Variants in SLC2A14 observed in about 807,000 individuals in gnomAD.
The protein encoded by SLC2A14 is solute carrier family 2 member 14.
A neutral mutation model predicts 43.0 loss-of-function variants in SLC2A14; 13 were observed. The ratio of observed to expected loss-of-function variants is 0.30; its 90% CI spans 0.20 to 0.48. The LOEUF is 0.48. Ranked by LOEUF, SLC2A14 falls within the 20% of genes least tolerant of loss-of-function variation. SLC2A14 has a pLI of 0.99. For missense variants in SLC2A14, 428 were observed against 620.4 expected (o/e 0.69, Z 3.29); for synonymous variants, 190 against 233.8 (o/e 0.81, Z 1.71).
chr12:7,856,169 G>C (rs924953226), intron 2 of SLC2A14: 1 of 152,108 alleles, frequency 6.6e-6, no homozygotes, highest in Non-Finnish European at 1.5e-5. Flanking sequence ...GAATGTGCCT[G>C]CCCAGTCGTA....
rs1209436951 is a variant in SLC2A14 at position 7,883,565 on chromosome 12, CTCTTTT to C, written c.132+7425_132+7430del. 3.4e-4 allele frequency among the ~76,000 whole-genome samples: 49 copies of C among 145,534 alleles called. 1 individual carries two copies. The highest frequency in any genetic ancestry group is 1.0e-3 in the East Asian group (5 of 4,902). On this transcript the variant is annotated intron_variant, in intron 1 of 9. Coordinates refer to the SLC2A14 transcript ENST00000539924. ...ACAGGCATGAGCCACCACGCCCGGC[CTCTTTT>C]TCTTTTTCTTTTTCTTTTCTTTTTT...
At chr12:7,828,233 C>T (rs982577322) in intron 6 of SLC2A14, among the ~76,000 whole-genome samples, 12 of 152,034 alleles carry the variant, frequency 7.9e-5, no homozygotes, top group South Asian at 4.2e-4. Flanking sequence ...CGTGGTGTCG[C>T]GCGCACCTGT....
chr12:7,873,152 C>G, upstream of SLC2A14: 1 of 985,734 alleles, frequency 1.0e-6, no homozygotes. Flanking sequence ...CGTCTTCCTG[C>G]GACCGGGCGG....
intron 1 of SLC2A14, 47 bp downstream of exon 1, chr12:7,872,760 C>A (rs1945308507): frequency 1.0e-6 from 1 of 985,046 alleles, no homozygotes. Flanking sequence ...CAGCTCAGGT[C>A]CTCATTCCCG....
chr12:7,844,919 A>G (rs1039291076), intron 2 of SLC2A14, among the ~76,000 whole-genome samples: 5 of 152,124 alleles, frequency 3.3e-5, no homozygotes, highest in African/African-American at 1.2e-4. Context: ...CTTTTTATCC[A>G]TTATTTCAAT....
intron 1 of SLC2A14, among the ~76,000 whole-genome samples, chr12:7,879,250 C>G: frequency 6.7e-6 from 1 of 150,230 alleles, no homozygotes; most frequent in South Asian, 2.1e-4. Context: ...TAACGTCTGC[C>G]TCAGCTTGAG....
intron 10 of SLC2A14, among the ~76,000 whole-genome samples, chr12:7,816,939 G>T (rs4564403): frequency 0.5 from 75,809 of 151,772 alleles, 19,668 homozygotes; most frequent in African/African-American, 0.63. Flanking sequence ...ACTCTTGACT[G>T]CAAGTGATCC....
intron 1 of SLC2A14, among the ~76,000 whole-genome samples, chr12:7,879,179 G>C (rs189069103): frequency 2.0e-5 from 3 of 151,090 alleles, no homozygotes; most frequent in African/African-American, 7.3e-5. Flanking sequence ...ACCACATTCC[G>C]GGCCTTAGCT....
Position 7,835,238 on chromosome 12 carries a change from T to G in SLC2A14, c.19-2424A>C, listed in dbSNP as rs35067640. ...CCCGTCTCTACTAAAAATACAAAAA[T>G]TAGCCAGCCGTGATGGCGTGCGCCT... is the stretch of plus-strand genomic sequence containing the variant. On this transcript the variant is annotated intron_variant, in intron 2 of 10. Coordinates refer to ENST00000431042, the MANE Select transcript of SLC2A14 (RefSeq NM_001286234.2). 4.9e-3 allele frequency among the ~76,000 whole-genome samples: 750 copies of G among 152,218 alleles called. 3 individuals are homozygous for G. The highest frequency in any genetic ancestry group is 9.3e-3 in the Non-Finnish European group (632 of 68,012).
rs1863421533 is a variant in SLC2A14, at chr12:7,816,078, T to C, written c.1276-1544A>G. ...ACCACACCCAGCTAATTTCTTGAATTTTTATTTTTTATTTTTTTTATTTTT... is the reference window on the plus strand; with the variant it reads ...ACCACACCCAGCTAATTTCTTGAATCTTTATTTTTTATTTTTTTTATTTTT... On this transcript the variant is annotated intron_variant, in intron 10 of 10. Transcript: ENST00000431042. Among the ~76,000 whole-genome samples the C allele has an allele frequency of 5.4e-5, 6 of 110,242 alleles. 2 individuals are homozygous for C. The Admixed American group carries it at 6.1e-4, about 11-fold the overall frequency. 72.3% of individuals were successfully genotyped at this position (110,242 alleles called of 152,430 possible). A position where few individuals can be genotyped will look rare whatever the true frequency, so the allele number is the denominator to read the frequency against.
chr12:7,822,046 G>A (rs1215551320), intron 7 of SLC2A14, among the ~76,000 whole-genome samples: 1 of 151,564 alleles, frequency 6.6e-6, no homozygotes, highest in African/African-American at 2.4e-5. Context: ...GGATGTTCTT[G>A]ATCTCCTGAC....
rs761502383 is a variant in SLC2A14, at chr12:7,814,447, G to A, written c.1363C>T (p.Arg455Cys). The A allele has an allele frequency of 1.4e-5, 22 of 1,613,586 alleles. No homozygotes were observed. The highest frequency in any genetic ancestry group is 2.7e-5 in the African/African-American group (2 of 74,916). Residue 455 changes from arginine to cysteine, a missense_variant, in exon 11 of 11, where the codon CGT (arginine) becomes TGT (cysteine). By Grantham distance (180) the Arg-to-Cys change is radical. Transcript: ENST00000431042. ...GTGATATCCTCAAAAGTCCTGCCAC[G>A]GGTCTCAGGGACTTTGAAGAAGGTA... is the stretch of plus-strand genomic sequence containing the variant. The part of the protein sequence containing the change: ...AFTFFKVPET[R>C]GRTFEDITRA...
intron 10 of SLC2A14, among the ~76,000 whole-genome samples, chr12:7,816,088 T>A (rs1286016667): frequency 2.4e-5 from 1 of 42,132 alleles, no homozygotes; most frequent in Non-Finnish European, 4.4e-5. Context: ...TTTTATTTTT[T>A]ATTTTTTTTA....
rs1240781668 is a variant in SLC2A14 at position 7,869,927 on chromosome 12, G to C, written c.-47C>G. 4 of 1,524,722 alleles carry C rather than the reference G, an allele frequency of 2.6e-6. No individual in the cohort carries two copies. Among genetic ancestry groups the C allele is most frequent in the Non-Finnish European group, 3.5e-6 (4 of 1,138,946 alleles). 94.4% of individuals were successfully genotyped at this position (1,524,722 alleles called of 1,614,324 possible). Reference sequence around the variant, plus strand: ...GACTCCCTCTCCAATTTCTCTTCAAGGTACTGCTTCCTGTAAATTGTAATT... The same window carrying C: ...GACTCCCTCTCCAATTTCTCTTCAACGTACTGCTTCCTGTAAATTGTAATT... On this transcript the variant is annotated 5_prime_UTR_variant, in exon 2 of 11. Transcript: ENST00000431042.
intron 2 of SLC2A14, among the ~76,000 whole-genome samples, chr12:7,862,089 C>T (rs895033155): frequency 1.5e-4 from 23 of 151,320 alleles, no homozygotes; most frequent in Non-Finnish European, 2.7e-4. Context: ...CATGGTGAAA[C>T]CCCGTCTCTA....
chr12:7,881,363 G>A (rs1028659126), intron 1 of SLC2A14, among the ~76,000 whole-genome samples: 1 of 151,928 alleles, frequency 6.6e-6, no homozygotes, highest in East Asian at 1.9e-4. Context: ...GGCGGGCCCC[G>A]CACTCGGAGC....
intron 1 of SLC2A14, chr12:7,870,916 C>G (rs1313461227): frequency 7.1e-7 from 1 of 1,408,456 alleles, no homozygotes; most frequent in Non-Finnish European, 9.5e-7. Flanking sequence ...GGGCCACATC[C>G]AATGTCTTCG....
At chr12:7,844,403 CATT>C (rs1866281026) in intron 2 of SLC2A14, among the ~76,000 whole-genome samples, 1 of 152,150 alleles carries the variant, frequency 6.6e-6, no homozygotes, top group African/African-American at 2.4e-5. Context: ...ATGTATGCAT[CATT>C]GTTTCCAGTT....
At chr12:7,871,020 C>T (rs1422138293) in intron 1 of SLC2A14, 6 of 1,434,042 alleles carry the variant, frequency 4.2e-6, no homozygotes, top group African/African-American at 1.4e-5. Flanking sequence ...GGGGACAGCA[C>T]GACAAGCTGG....
Sources: gnomAD v4.1 joint callset for allele counts (sites outside exome capture counted in the v4.1 genomes callset) on GRCh38, gnomAD v4.1.1 for gene constraint, MANE v1.5 for transcripts, NCBI Gene and HGNC (gene_info 2026-07-23, HGNC 2026-07-21) for gene names.